The following SLC2A14 variants were observed in gnomAD, a reference collection of about 807,000 sequenced individuals.
SLC2A14 encodes solute carrier family 2 member 14, also known as solute carrier family 2, facilitated glucose transporter member 14.
In SLC2A14, 13 loss-of-function variants were observed where a neutral mutation model predicts 43.0. The ratio of observed to expected loss-of-function variants is 0.30; its 90% confidence interval spans 0.20 to 0.48. The LOEUF (loss-of-function observed/expected upper bound fraction) is 0.48. Ranked by LOEUF, SLC2A14 falls within the 20% of genes least tolerant of loss-of-function variation. SLC2A14 has a pLI of 0.99. For synonymous variants in SLC2A14, 190 were observed against 233.8 expected, an observed-to-expected ratio of 0.81 and a Z score of 1.71; for missense variants, 428 against 620.4, an observed-to-expected ratio of 0.69 and a Z score of 3.29.
intron 7 of SLC2A14, among the ~76,000 whole-genome samples, chr12:7,824,470 A>G (rs1361599196): frequency 6.6e-6 from 1 of 152,012 alleles, no homozygotes; most frequent in Non-Finnish European, 1.5e-5. Context: ...GAGGTGGCTC[A>G]CACCTGTAAT....
intron 7 of SLC2A14, among the ~76,000 whole-genome samples, chr12:7,822,119 T>A (rs988685104): frequency 6.6e-6 from 1 of 151,592 alleles, no homozygotes; most frequent in Non-Finnish European, 1.5e-5. Context: ...CCACCACGCC[T>A]GGCCAATTTT....
chr12:7,826,858 C>CCTTTCTTTCTTTTTT (rs1565507403), intron 7 of SLC2A14, among the ~76,000 whole-genome samples: 1 of 43,192 alleles, frequency 2.3e-5, no homozygotes, highest in Non-Finnish European at 4.4e-5. Context: ...TCCTTCCTTT[C>CCTTTCTTTCTTTTTT]TTTTTTCTTT....
chr12:7,867,306 A>AAAAAC lies in SLC2A14; in HGVS notation c.18+2556_18+2557insGTTTT, dbSNP rs1944979230. 4.6e-5 allele frequency among the ~76,000 whole-genome samples: 6 copies of AAAAAC among 129,884 alleles called. 1 individual carries two copies. The highest frequency in any genetic ancestry group is 4.9e-5 in the Non-Finnish European group (3 of 61,108). 85.2% of individuals were successfully genotyped at this position (129,884 alleles called of 152,430 possible). A position where few individuals can be genotyped will look rare whatever the true frequency, so the allele number is the denominator to read the frequency against. Reference sequence around the variant, plus strand: ...AAAAAAAAAAAAAAAAAAAACAAAAAAAACATTCGTGATTCATGGGAGGAG... The same window carrying AAAAAC: ...AAAAAAAAAAAAAAAAAAAACAAAAAAAAACAAACATTCGTGATTCATGGGAGGAG... On this transcript the variant is annotated intron_variant, in intron 2 of 10. Coordinates refer to ENST00000431042, the MANE Select transcript of SLC2A14 (RefSeq NM_001286234.2).
At chr12:7,887,569 AT>A (rs1945707673) in intron 1 of SLC2A14, among the ~76,000 whole-genome samples, 2 of 72,676 alleles carry the variant, frequency 2.8e-5, no homozygotes, top group African/African-American at 5.3e-5. Context: ...AGATAGATAG[AT>A]AGATAGATAG....
intron 8 of SLC2A14, among the ~76,000 whole-genome samples, chr12:7,820,783 T>C (rs918257162): frequency 3.9e-5 from 6 of 152,102 alleles, no homozygotes; most frequent in Admixed American, 1.3e-4. Flanking sequence ...ATCTCTTTTT[T>C]CCAAAGGAAA....
intron 2 of SLC2A14, among the ~76,000 whole-genome samples, chr12:7,861,662 C>T (rs1944566612): frequency 6.6e-6 from 1 of 151,896 alleles, no homozygotes; most frequent in South Asian, 2.1e-4. Flanking sequence ...GCTTTGTAAA[C>T]TTTAACTGAA....
chr12:7,874,545 G>A (rs747715151), upstream of SLC2A14, among the ~76,000 whole-genome samples: 271 of 151,462 alleles, frequency 1.8e-3, no homozygotes, highest in African/African-American at 6.1e-3. Flanking sequence ...GGTGGCATGC[G>A]CCTGTAATCC....
intron 1 of SLC2A14, among the ~76,000 whole-genome samples, chr12:7,882,299 C>T (rs1436144186): frequency 1.3e-5 from 2 of 151,924 alleles, no homozygotes; most frequent in South Asian, 2.1e-4. Flanking sequence ...TGCAGGTTCA[C>T]TCCTGAGTCA....
chr12:7,826,868 TC>T lies in SLC2A14; in HGVS notation c.864+626del, dbSNP rs1354301442. ...TTCCTTCCTTCCTTTCTTTTTTCTT[TC>T]TTTCTTTCTTTCTTTCTTTCTTTCT... is the stretch of plus-strand genomic sequence containing the variant. On this transcript the variant is annotated intron_variant, in intron 7 of 10. Transcript: ENST00000431042. Among the ~76,000 whole-genome samples, 399 of 51,080 alleles carry T rather than the reference TC, an allele frequency of 7.8e-3. 27 individuals are homozygous for T. Among genetic ancestry groups the T allele is most frequent in the African/African-American group, 0.013 (163 of 12,946 alleles). The allele number at this position is 51,080 out of a possible 152,430, so 33.5% of individuals were successfully genotyped here.
chr12:7,887,832 T>A (rs753012328), intron 1 of SLC2A14, among the ~76,000 whole-genome samples: 1 of 152,154 alleles, frequency 6.6e-6, no homozygotes, highest in Non-Finnish European at 1.5e-5. Flanking sequence ...TCCCAATGTA[T>A]TCGTCAGAAT....
rs191787312 is a variant in SLC2A14, at chr12:7,888,507, G to A, written c.132+2489C>T. Among the ~76,000 whole-genome samples the A allele has an allele frequency of 5.7e-4, 86 of 152,016 alleles. 1 individual carries two copies. The highest frequency in any genetic ancestry group is 1.1e-3 in the Admixed American group (17 of 15,244). On this transcript the variant is annotated intron_variant, in intron 1 of 9. Coordinates refer to the SLC2A14 transcript ENST00000539924. ...GCATAGTTGACAAAGATGTCTTTAA[G>A]ATTTTGGACTGGCCGGGTGCAGTGG...
intron 1 of SLC2A14, among the ~76,000 whole-genome samples, chr12:7,890,100 A>G (rs1945750332): frequency 6.6e-6 from 1 of 152,106 alleles, no homozygotes; most frequent in African/African-American, 2.4e-5. Flanking sequence ...CTGACCTCCT[A>G]TCTCATCCTA....
intron 10 of SLC2A14, among the ~76,000 whole-genome samples, chr12:7,816,214 C>T (rs1210721518): frequency 9.1e-6 from 1 of 110,028 alleles, no homozygotes; most frequent in African/African-American, 3.7e-5. Flanking sequence ...ACGCCATTCT[C>T]CTGCCTCAGC....
chr12:7,875,738 C>T (rs115855691), upstream of SLC2A14, among the ~76,000 whole-genome samples: 874 of 151,984 alleles, frequency 5.8e-3, 21 homozygotes, highest in African/African-American at 0.02. Context: ...TTTGAAAGGC[C>T]GAAGCAGGTG....
upstream of SLC2A14, among the ~76,000 whole-genome samples, chr12:7,874,586 T>C (rs1023462631): frequency 5.3e-5 from 8 of 150,796 alleles, no homozygotes; most frequent in African/African-American, 2.0e-4. Context: ...GCAGGAAAAT[T>C]GCTTGAACCC....
intron 6 of SLC2A14, among the ~76,000 whole-genome samples, chr12:7,828,313 C>G (rs1021049109): frequency 6.6e-6 from 1 of 151,602 alleles, no homozygotes; most frequent in Non-Finnish European, 1.5e-5. Flanking sequence ...TGCAGTGAAC[C>G]GAGATTGCGC....
In SLC2A14 at chr12:7,843,042, AT is replaced by A. The variant is rs1866116217; in HGVS notation, c.19-10229del. ...CGCGCCTGGCCACATAAATGTTTTAATATAGGCATGCAATGTAAAATAATCA... is the reference window on the plus strand; with the variant it reads ...CGCGCCTGGCCACATAAATGTTTTAAATAGGCATGCAATGTAAAATAATCA... On this transcript the variant is annotated intron_variant, in intron 2 of 10. Coordinates refer to ENST00000431042, the MANE Select transcript of SLC2A14 (RefSeq NM_001286234.2). Among the ~76,000 whole-genome samples the A allele has an allele frequency of 2.0e-5, 3 of 152,150 alleles. No homozygotes were observed. In the South Asian group the frequency reaches 6.2e-4, roughly 32 times the overall value.
chr12:7,839,834 G>A (rs1181774992), intron 2 of SLC2A14: 1 of 447,710 alleles, frequency 2.2e-6, no homozygotes. Flanking sequence ...AGCACTTTTG[G>A]AGGTCAAGGC....
In SLC2A14 at chr12:7,845,778, CA is replaced by C. The variant is rs35933580; in HGVS notation, c.19-12965del. Reference sequence around the variant, plus strand: ...TGGGCGACACAGCGAGACTCCATCTCAAAAAAAAAAAAAAAAGAAATGCAAA... The same window carrying C: ...TGGGCGACACAGCGAGACTCCATCTCAAAAAAAAAAAAAAAGAAATGCAAA... On this transcript the variant is annotated intron_variant, in intron 2 of 10. Coordinates refer to ENST00000431042, the MANE Select transcript of SLC2A14 (RefSeq NM_001286234.2). Among the ~76,000 whole-genome samples, 135 of 104,090 alleles carry C rather than the reference CA, an allele frequency of 1.3e-3. No individual in the cohort carries two copies. The East Asian group carries it at 0.02, about 15-fold the overall frequency. 68.3% of individuals were successfully genotyped at this position (104,090 alleles called of 152,430 possible).
Sources: gnomAD v4.1 joint callset for allele counts (sites outside exome capture counted in the v4.1 genomes callset) on GRCh38, gnomAD v4.1.1 for gene constraint, MANE v1.5 for transcripts, NCBI Gene and HGNC (gene_info 2026-07-23, HGNC 2026-07-21) for gene names.